The following BMP6 variants were observed in gnomAD, a reference collection of about 807,000 sequenced individuals.
The protein encoded by BMP6 is VG-1-R.
In BMP6, 17 loss-of-function variants were observed where a neutral mutation model predicts 54.1. The observed-to-expected ratio is 0.31, with a 90% CI of 0.22 to 0.47. BMP6 has a LOEUF of 0.47. Ranked by LOEUF, BMP6 falls within the 20% of genes least tolerant of loss-of-function variation. The pLI, the probability that BMP6 is intolerant of heterozygous loss-of-function variation, is 1.00. For missense variants in BMP6, 720 were observed against 690.4 expected (o/e 1.04, Z -0.48); for synonymous variants, 328 against 291.2 (o/e 1.13, Z -1.28).
At chr6:7,787,686 T>C (rs1758039990) in intron 1 of BMP6, among the ~76,000 whole-genome samples, 2 of 152,234 alleles carry the variant, frequency 1.3e-5, no homozygotes, top group Middle Eastern at 3.2e-3. Flanking sequence ...AGCTCTAGCA[T>C]ATTTGCGTGT....
intron 2 of BMP6, among the ~76,000 whole-genome samples, chr6:7,860,697 T>C (rs1481201974): frequency 1.3e-5 from 2 of 152,208 alleles, no homozygotes; most frequent in Non-Finnish European, 2.9e-5. Flanking sequence ...CACCCTCGGC[T>C]ACACAGTCCA....
chr6:7,879,221 A>G (rs1759670565), intron 5 of BMP6, 71 bp downstream of exon 5: 1 of 1,460,854 alleles, frequency 6.8e-7, no homozygotes, highest in Non-Finnish European at 9.6e-7. Flanking sequence ...GGTGGCAGCC[A>G]TTACCAAACA....
intron 2 of BMP6, among the ~76,000 whole-genome samples, chr6:7,855,531 A>C: frequency 7.2e-6 from 1 of 139,696 alleles, no homozygotes; most frequent in East Asian, 2.1e-4. Flanking sequence ...AAGCCACTTA[A>C]TCTCAATCTC....
rs140345551 is a variant in BMP6, at chr6:7,768,876, ATATAT to A, written c.664+41262_664+41266del. Among the ~76,000 whole-genome samples the A allele has an allele frequency of 3.1e-3, 468 of 152,262 alleles. 1 individual carries two copies. The highest frequency in any genetic ancestry group is 0.011 in the African/African-American group (449 of 41,540). The stretch of plus-strand genomic sequence containing the variant: ...TCATCACAGCTTGCCATGATCTGTC[ATATAT>A]TATAGTTACGTGTGTCCTTTTCTAC... On this transcript the variant is annotated intron_variant, in intron 1 of 6. Transcript: ENST00000283147.
At chr6:7,797,549 T>C (rs1223636523) in intron 1 of BMP6, among the ~76,000 whole-genome samples, 3 of 152,190 alleles carry the variant, frequency 2.0e-5, no homozygotes, top group Non-Finnish European at 4.4e-5. Context: ...GAGTGGGTGC[T>C]GAGAGGGAGT....
intron 1 of BMP6, among the ~76,000 whole-genome samples, chr6:7,795,081 G>A (rs1198142128): frequency 6.6e-6 from 1 of 152,184 alleles, no homozygotes; most frequent in Non-Finnish European, 1.5e-5. Flanking sequence ...AGGAAGGAAA[G>A]CATGTTGAAC....
At chr6:7,838,890 C>G (rs1214991061) in intron 1 of BMP6, among the ~76,000 whole-genome samples, 1 of 145,678 alleles carries the variant, frequency 6.9e-6, no homozygotes, top group African/African-American at 2.6e-5. Flanking sequence ...TGCAGTGAGC[C>G]GAGATCGCGC....
At chr6:7,727,791 G>C (rs957667298) in intron 1 of BMP6, among the ~76,000 whole-genome samples, 172 bp downstream of exon 1, 16 of 151,400 alleles carry the variant, frequency 1.1e-4, no homozygotes, top group Admixed American at 3.9e-4. Context: ...GGCGGTGGGC[G>C]GCACATGCGC....
intron 4 of BMP6, among the ~76,000 whole-genome samples, chr6:7,862,849 G>A (rs1759359011): frequency 6.6e-6 from 1 of 152,150 alleles, no homozygotes; most frequent in Non-Finnish European, 1.5e-5. Context: ...TATGCTGGGG[G>A]GTTATGATGT....
At chr6:7,792,937 T>C (rs925251374) in intron 1 of BMP6, among the ~76,000 whole-genome samples, 1 of 152,208 alleles carries the variant, frequency 6.6e-6, no homozygotes, top group Non-Finnish European at 1.5e-5. Flanking sequence ...GATGCTCAAA[T>C]ATAGTTACGT....
chr6:7,760,391 C>T (rs1209378356), intron 1 of BMP6, among the ~76,000 whole-genome samples: 3 of 152,158 alleles, frequency 2.0e-5, no homozygotes, highest in East Asian at 1.9e-4. Context: ...CACCGTCTTT[C>T]CACCTTGACT....
intron 1 of BMP6, among the ~76,000 whole-genome samples, chr6:7,730,442 A>G (rs558849606): frequency 6.6e-6 from 1 of 152,312 alleles, no homozygotes; most frequent in Admixed American, 6.5e-5. Flanking sequence ...TCATATTCCT[A>G]TCACTGGGCT....
chr6:7,795,857 A>T (rs1245674547), intron 1 of BMP6, among the ~76,000 whole-genome samples: 1 of 152,130 alleles, frequency 6.6e-6, no homozygotes, highest in Non-Finnish European at 1.5e-5. Flanking sequence ...CCCATCTTGA[A>T]TGTATGGGTG....
chr6:7,770,453 C>T (rs941982402), intron 1 of BMP6, among the ~76,000 whole-genome samples: 4 of 152,072 alleles, frequency 2.6e-5, no homozygotes, highest in African/African-American at 9.7e-5. Context: ...TGCATAGTCT[C>T]GGGACTGGGA....
intron 1 of BMP6, among the ~76,000 whole-genome samples, chr6:7,765,816 A>C (rs1172320486): frequency 6.6e-6 from 1 of 152,194 alleles, no homozygotes; most frequent in Non-Finnish European, 1.5e-5. Flanking sequence ...CTAGGGGAGA[A>C]TCCATTTCCT....
chr6:7,740,845 G>T (rs915821222), intron 1 of BMP6, among the ~76,000 whole-genome samples: 13 of 152,096 alleles, frequency 8.5e-5, no homozygotes, highest in Admixed American at 8.5e-4. Context: ...TAAGTTCCCT[G>T]CAGAAGGTCT....
chr6:7,878,634 G>A (rs752575616), intron 4 of BMP6, among the ~76,000 whole-genome samples: 4 of 151,192 alleles, frequency 2.6e-5, no homozygotes, highest in Admixed American at 6.6e-5. Context: ...CTTCTGGCCC[G>A]GCAGCTGTCT....
At chr6:7,767,356 T>A (rs1366007565) in intron 1 of BMP6, among the ~76,000 whole-genome samples, 1 of 152,230 alleles carries the variant, frequency 6.6e-6, no homozygotes, top group Non-Finnish European at 1.5e-5. Context: ...AGGTCATTCA[T>A]TTCTGTTGGT....
intron 1 of BMP6, among the ~76,000 whole-genome samples, chr6:7,813,481 A>AAAC (rs1758472089): frequency 7.0e-6 from 1 of 143,642 alleles, no homozygotes; most frequent in Middle Eastern, 3.2e-3. Context: ...AAAAAAAAAA[A>AAAC]CTATTTAAAA....
Sources: gnomAD v4.1 joint callset for allele counts (sites outside exome capture counted in the v4.1 genomes callset) on GRCh38, gnomAD v4.1.1 for gene constraint, MANE v1.5 for transcripts, NCBI Gene and HGNC (gene_info 2026-07-23, HGNC 2026-07-21) for gene names.